PDE8A: variants seen among roughly 807,000 people sequenced by gnomAD.
The protein encoded by PDE8A is phosphodiesterase 8A.
Under a neutral mutation model 105.0 loss-of-function variants are expected in PDE8A, and 59 were observed. The ratio of observed to expected loss-of-function variants is 0.56; its 90% CI spans 0.46 to 0.70. The LOEUF (loss-of-function observed/expected upper bound fraction) is 0.70. Ranked by LOEUF, PDE8A falls within the 30% of genes least tolerant of loss-of-function variation. The pLI is 0.00. For missense variants in PDE8A, 1,014 were observed against 1,045.9 expected (o/e 0.97, Z 0.42); for synonymous variants, 355 against 371.9 (o/e 0.95, Z 0.52).
At chr15:85,085,045 C>T (rs1358572801) in intron 6 of PDE8A, among the ~76,000 whole-genome samples, 1 of 152,218 alleles carries the variant, frequency 6.6e-6, no homozygotes, top group African/African-American at 2.4e-5. Context: ...CTTCTTCATT[C>T]TCCACACAGA....
chr15:85,108,046 C>A (rs531829085), intron 11 of PDE8A, among the ~76,000 whole-genome samples: 1 of 152,220 alleles, frequency 6.6e-6, no homozygotes, highest in Admixed American at 6.5e-5. Flanking sequence ...TGTCTAGTAC[C>A]ACAATCAAGT....
chr15:85,122,032 A>T (rs1419109827), intron 18 of PDE8A, among the ~76,000 whole-genome samples: 1 of 151,960 alleles, frequency 6.6e-6, no homozygotes, highest in African/African-American at 2.4e-5. Flanking sequence ...TCCCTGAAGC[A>T]CTCCACTCTG....
At chr15:84,999,327 G>A (rs892790089) in intron 1 of PDE8A, among the ~76,000 whole-genome samples, 1 of 152,064 alleles carries the variant, frequency 6.6e-6, no homozygotes, top group African/African-American at 2.4e-5. Flanking sequence ...CACCATGTTG[G>A]CCAGGCCTGG....
At chr15:85,024,064 G>A (rs150363783) in intron 1 of PDE8A, among the ~76,000 whole-genome samples, 1 of 152,024 alleles carries the variant, frequency 6.6e-6, no homozygotes, top group East Asian at 1.9e-4. Context: ...TCTTCTTCCT[G>A]TAGCTCCCTT....
At position 85,137,857 on chromosome 15, in the gene PDE8A, G is replaced by A. The variant is rs1166140789; in HGVS notation, c.2444G>A (p.Gly815Glu). Residue 815 changes from glycine to glutamate, a missense_variant, in exon 22 of 22, where the codon GGA (glycine) becomes GAA (glutamate). By Grantham distance (98) the Gly-to-Glu change is moderately conservative (BLOSUM62 -2). Coordinates refer to ENST00000394553, the MANE Select transcript of PDE8A (RefSeq NM_002605.3). ...GACAACAACTTTAAATACTGGAAAG[G>A]ACTGGACGAAATGAAGCTGCGGAAC... is the stretch of plus-strand genomic sequence containing the variant. ...HLDNNFKYWK[G>E]LDEMKLRNLR... The A allele has an allele frequency of 1.9e-6, 3 of 1,613,828 alleles. No individual in the cohort carries two copies. Among genetic ancestry groups the A allele is most frequent in the South Asian group, 1.1e-5 (1 of 91,072 alleles).
Position 85,035,951 on chromosome 15 carries a change from GAC to G in PDE8A, c.187-28417_187-28416del, listed in dbSNP as rs1385299170. Among the ~76,000 whole-genome samples, 94 of 152,184 alleles carry G rather than the reference GAC, an allele frequency of 6.2e-4. 2 individuals are homozygous for G. Among genetic ancestry groups the G allele is most frequent in the Non-Finnish European group, 1.5e-4 (10 of 68,038 alleles). ...CACACATGGAGATTCTAGTTTAAAT[GAC>G]ATCTAGCAGTTGCTAATGCCACCTT... On this transcript the variant is annotated intron_variant, in intron 1 of 21. Coordinates refer to ENST00000394553, the MANE Select transcript of PDE8A (RefSeq NM_002605.3).
At chr15:85,056,429 A>G (rs7496012) in intron 1 of PDE8A, among the ~76,000 whole-genome samples, 85,623 of 152,024 alleles carry the variant, frequency 0.56, 25,711 homozygotes, top group African/African-American at 0.79. Flanking sequence ...CATTCTCCCC[A>G]TCAATTTCAG....
chr15:85,006,737 C>G (rs2080154512), intron 1 of PDE8A, among the ~76,000 whole-genome samples: 1 of 151,870 alleles, frequency 6.6e-6, no homozygotes, highest in African/African-American at 2.4e-5. Context: ...AAACTTACCC[C>G]TGGTAAACAT....
At chr15:85,062,776 C>T (rs150325289) in intron 1 of PDE8A, 5 of 152,204 alleles carry the variant, frequency 3.3e-5, no homozygotes, top group Middle Eastern at 3.2e-3. Context: ...GGAAGTTGCA[C>T]GTCTTCAATT....
chr15:85,058,332 C>T (rs184177016), intron 1 of PDE8A, among the ~76,000 whole-genome samples: 17 of 152,278 alleles, frequency 1.1e-4, no homozygotes, highest in Admixed American at 8.5e-4. Context: ...ACAGTCCTCC[C>T]ACCTTAGCCT....
At chr15:85,118,177 T>G (rs868189984) in intron 17 of PDE8A, among the ~76,000 whole-genome samples, 2 of 152,196 alleles carry the variant, frequency 1.3e-5, no homozygotes, top group African/African-American at 2.4e-5. Context: ...ATCCCCACTT[T>G]AGGGCCTCCA....
In PDE8A at chr15:85,100,044, G is replaced by C. The variant is rs1369453971; in HGVS notation, c.971G>C (p.Arg324Thr). Residue 324 changes from arginine (R) to threonine (T), a missense_variant, in exon 10 of 22, where the codon AGA (arginine) becomes ACA (threonine). Arg to Thr is a moderately conservative substitution (Grantham distance 71, BLOSUM62 -1). Transcript: ENST00000394553. ...GKIRHYVSIIRVCNGNNKAEK... is the reference protein window; with the variant it reads ...GKIRHYVSIITVCNGNNKAEK... ...ATTAGACACTATGTGTCCATTATCA[G>C]AGTGTGCAATGGCAACAATAAGGTA... The C allele has an allele frequency of 6.2e-7, 1 of 1,613,684 alleles. No homozygotes were observed. The highest frequency in any genetic ancestry group is 1.7e-5 in the Admixed American group (1 of 59,956).
chr15:85,076,408 TAAAA>T (rs772331817), intron 4 of PDE8A, among the ~76,000 whole-genome samples: 1 of 148,100 alleles, frequency 6.8e-6, no homozygotes, highest in Non-Finnish European at 1.5e-5. Flanking sequence ...AGAAAGGAAT[TAAAA>T]AAAAAACCTG....
At chr15:85,109,241 G>C in intron 12 of PDE8A, 111 bp downstream of exon 12, 1 of 632,880 alleles carries the variant, frequency 1.6e-6, no homozygotes, top group South Asian at 2.6e-5. Flanking sequence ...CTTGGGAGAG[G>C]AGGGAACCCT....
chr15:85,132,324 A>C (rs908050506), intron 20 of PDE8A, among the ~76,000 whole-genome samples: 2 of 152,166 alleles, frequency 1.3e-5, no homozygotes, highest in Non-Finnish European at 2.9e-5. Flanking sequence ...TGCTGAACTC[A>C]TAAGATGTGT....
chr15:85,002,503 T>C (rs55967056), intron 1 of PDE8A, among the ~76,000 whole-genome samples: 13,204 of 152,228 alleles, frequency 0.087, 1,569 homozygotes, highest in African/African-American at 0.27. Context: ...ACCTGGATGG[T>C]CCCTGAACAC....
chr15:85,055,360 A>G (rs569378944), intron 1 of PDE8A, among the ~76,000 whole-genome samples: 1 of 152,224 alleles, frequency 6.6e-6, no homozygotes, highest in East Asian at 1.9e-4. Flanking sequence ...ATTCCTGGAT[A>G]TCCTTGTTAA....
rs150192730 is a variant in PDE8A, at chr15:85,109,470, G to T, written c.1114+340G>T. ...TTAAAGATCTATCCCATCGTGGTTT[G>T]CAGTTTGCCATGGAAACTTTTAGAG... On this transcript the variant is annotated intron_variant, in intron 12 of 21. Transcript: ENST00000394553. Among the ~76,000 whole-genome samples, 119 of 152,290 alleles carry T rather than the reference G, an allele frequency of 7.8e-4. No homozygotes were observed. In the East Asian group the frequency reaches 0.02, roughly 26 times the overall value.
rs78360389 is a variant in PDE8A at position 85,048,022 on chromosome 15, C to T, written c.187-16348C>T. ...TATTTTGTGACAAAAAGGTTTTAGACTATAGATTTTGCCTCTCATTATAAT... is the reference window on the plus strand; with the variant it reads ...TATTTTGTGACAAAAAGGTTTTAGATTATAGATTTTGCCTCTCATTATAAT... On this transcript the variant is annotated intron_variant, in intron 1 of 21. Transcript: ENST00000394553. Among the ~76,000 whole-genome samples the T allele has an allele frequency of 6.0e-3, 907 of 152,184 alleles. 7 individuals are homozygous for T. The highest frequency in any genetic ancestry group is 0.021 in the African/African-American group (868 of 41,528).
Sources: gnomAD v4.1 joint callset for allele counts (sites outside exome capture counted in the v4.1 genomes callset) on GRCh38, gnomAD v4.1.1 for gene constraint, MANE v1.5 for transcripts, NCBI Gene and HGNC (gene_info 2026-07-23, HGNC 2026-07-21) for gene names.